Variants in CCDC178 observed in about 807,000 individuals in gnomAD.
CCDC178 encodes the protein coiled-coil domain-containing protein 178.
CCDC178 carries 126 observed loss-of-function variants against 117.4 expected under a neutral mutation model. The observed-to-expected ratio is 1.07, with a 90% CI of 0.93 to 1.24. The LOEUF is 1.24. Ranked by LOEUF, CCDC178 falls within the 50% of genes most tolerant of loss-of-function variation. CCDC178 has a pLI of 0.00. For missense variants in CCDC178, 1,030 were observed against 986.9 expected (o/e 1.04, Z -0.59); for synonymous variants, 283 against 313.4 (o/e 0.90, Z 1.02).
intron 21 of CCDC178, among the ~76,000 whole-genome samples, chr18:33,074,230 T>G (rs1175642597): frequency 1.3e-5 from 2 of 152,000 alleles, no homozygotes; most frequent in Non-Finnish European, 2.9e-5. Context: ...TGCATATATA[T>G]TAAAGCATGC....
chr18:33,005,907 C>A (rs1247432161), intron 21 of CCDC178, among the ~76,000 whole-genome samples: 2 of 152,020 alleles, frequency 1.3e-5, no homozygotes, highest in South Asian at 2.1e-4. Flanking sequence ...AAACATGCCA[C>A]ATGCCACTTT....
At chr18:33,194,842 C>T (rs969939389) in intron 20 of CCDC178, among the ~76,000 whole-genome samples, 5 of 143,048 alleles carry the variant, frequency 3.5e-5, no homozygotes, top group African/African-American at 1.3e-4. Context: ...GGTGGAAGAA[C>T]TGCTTGAGCC....
chr18:33,325,427 A>G (rs2145017772), intron 10 of CCDC178, among the ~76,000 whole-genome samples: 2 of 152,160 alleles, frequency 1.3e-5, no homozygotes, highest in Middle Eastern at 3.4e-3. Context: ...AAATAATTTA[A>G]GTAATTTTTC....
intron 22 of CCDC178, among the ~76,000 whole-genome samples, chr18:32,949,078 T>C (rs2054417650): frequency 6.6e-6 from 1 of 152,124 alleles, no homozygotes; most frequent in African/African-American, 2.4e-5. Context: ...CGCTCTCTTC[T>C]CATTTGCATT....
chr18:33,154,718 T>C (rs2058375434), intron 20 of CCDC178, among the ~76,000 whole-genome samples: 1 of 152,174 alleles, frequency 6.6e-6, no homozygotes, highest in South Asian at 2.1e-4. Flanking sequence ...CCACATACCA[T>C]GCAGATGTCA....
At chr18:33,157,338 T>C (rs1251621498) in intron 20 of CCDC178, among the ~76,000 whole-genome samples, 1 of 152,200 alleles carries the variant, frequency 6.6e-6, no homozygotes. Flanking sequence ...TTTAGGACTA[T>C]TTTAAGTGAA....
At chr18:33,318,147 C>A (rs892050131) in intron 11 of CCDC178, among the ~76,000 whole-genome samples, 1 of 152,202 alleles carries the variant, frequency 6.6e-6, no homozygotes, top group African/African-American at 2.4e-5. Flanking sequence ...ACACCCTCAC[C>A]CTTCACTAGT....
intron 21 of CCDC178, among the ~76,000 whole-genome samples, chr18:33,033,531 C>A (rs754969729): frequency 2.0e-5 from 3 of 152,004 alleles, no homozygotes; most frequent in Non-Finnish European, 4.4e-5. Flanking sequence ...ATTATTCATT[C>A]TTTCTACCCT....
intron 12 of CCDC178, among the ~76,000 whole-genome samples, chr18:33,283,728 T>C (rs1004777842): frequency 3.9e-5 from 6 of 152,116 alleles, no homozygotes; most frequent in African/African-American, 1.2e-4. Flanking sequence ...CCAGAAAGAA[T>C]GGCTATTACT....
rs539504535 is a variant in CCDC178 at position 33,010,276 on chromosome 18, C to T, written c.2389-35595G>A. Among the ~76,000 whole-genome samples the T allele has an allele frequency of 5.3e-5, 8 of 152,160 alleles. 1 individual carries two copies. In the South Asian group the frequency reaches 1.2e-3, roughly 24 times the overall value. ...CTACTGATCAGACCTGTTATTCTAACGGTAGAATCCCAAAGGAAAACATGT... is the reference window on the plus strand; with the variant it reads ...CTACTGATCAGACCTGTTATTCTAATGGTAGAATCCCAAAGGAAAACATGT... On this transcript the variant is annotated intron_variant, in intron 21 of 22. Coordinates refer to ENST00000383096, the MANE Select transcript of CCDC178 (RefSeq NM_001105528.4).
intron 14 of CCDC178, among the ~76,000 whole-genome samples, chr18:33,250,722 A>G (rs1418675909): frequency 6.6e-6 from 1 of 151,736 alleles, no homozygotes; most frequent in Admixed American, 6.6e-5. Flanking sequence ...AATAGGATAG[A>G]TAGGTAGCAG....
chr18:33,398,488 A>G (rs1599270572), intron 3 of CCDC178, among the ~76,000 whole-genome samples: 1 of 152,220 alleles, frequency 6.6e-6, no homozygotes, highest in East Asian at 1.9e-4. Context: ...GAAGTTCAGC[A>G]TTCATAATGA....
chr18:33,374,246 T>G (rs541378917), intron 5 of CCDC178, among the ~76,000 whole-genome samples: 2 of 152,132 alleles, frequency 1.3e-5, no homozygotes, highest in South Asian at 4.1e-4. Context: ...ACATATGGCA[T>G]AGAATCCCTG....
At position 33,287,707 on chromosome 18, in the gene CCDC178, C is replaced by T. The variant is rs147211616; in HGVS notation, c.1176+5452G>A. 6.9e-3 allele frequency among the ~76,000 whole-genome samples: 1,046 copies of T among 152,084 alleles called. 6 individuals are homozygous for T. Among genetic ancestry groups the T allele is most frequent in the South Asian group, 0.015 (72 of 4,818 alleles). ...TGGCAGGAGAATCACTTACCTCAGG[C>T]GGCAGAGGTTGCAGTGAGCCCAGAT... On this transcript the variant is annotated intron_variant, in intron 12 of 22. Coordinates refer to ENST00000383096, the MANE Select transcript of CCDC178 (RefSeq NM_001105528.4).
chr18:33,431,494 T>C (rs1196266975), intron 2 of CCDC178, among the ~76,000 whole-genome samples: 1 of 152,232 alleles, frequency 6.6e-6, no homozygotes, highest in Non-Finnish European at 1.5e-5. Context: ...CTTTGTAGTG[T>C]TATTTAAGTC....
intron 11 of CCDC178, among the ~76,000 whole-genome samples, chr18:33,313,687 T>C (rs2062373556): frequency 6.6e-6 from 1 of 152,138 alleles, no homozygotes; most frequent in Admixed American, 6.5e-5. Flanking sequence ...AAAGAGGTGG[T>C]TGAGACTTGC....
intron 20 of CCDC178, among the ~76,000 whole-genome samples, chr18:33,204,218 A>T (rs148285228): frequency 0.01 from 1,525 of 152,290 alleles, 31 homozygotes; most frequent in African/African-American, 0.035. Context: ...AAAAACCCTG[A>T]GTTCAAGATT....
chr18:33,381,162 C>T (rs1183209505), intron 5 of CCDC178, among the ~76,000 whole-genome samples: 4 of 152,234 alleles, frequency 2.6e-5, no homozygotes, highest in Non-Finnish European at 4.4e-5. Flanking sequence ...TAATCTCTTT[C>T]GTATTCATTG....
intron 14 of CCDC178, among the ~76,000 whole-genome samples, chr18:33,254,251 AACACACACACACACACACACACAC>A (rs34689445): frequency 1.7e-4 from 23 of 135,382 alleles, no homozygotes; most frequent in Non-Finnish European, 1.4e-4. Context: ...TCTATTGAGA[AACACACACACACACACACACACAC>A]ACACACACAC....
Sources: gnomAD v4.1 joint callset for allele counts (sites outside exome capture counted in the v4.1 genomes callset) on GRCh38, gnomAD v4.1.1 for gene constraint, MANE v1.5 for transcripts, NCBI Gene and HGNC (gene_info 2026-07-23, HGNC 2026-07-21) for gene names.